Variants in ZNF804B observed in about 807,000 individuals in gnomAD.
ZNF804B encodes the protein zinc finger protein 804B.
In ZNF804B, 80 loss-of-function variants were observed where a neutral mutation model predicts 101.4. The observed-to-expected ratio is 0.79, with a 90% CI of 0.66 to 0.95. The LOEUF is 0.95. Ranked by LOEUF, ZNF804B falls within the 40% of genes least tolerant of loss-of-function variation. The pLI is 0.00. For missense variants in ZNF804B, 1,673 were observed against 1,561.9 expected (o/e 1.07, Z -1.20); for synonymous variants, 622 against 558.8 (o/e 1.11, Z -1.59).
At chr7:89,057,422 C>T (rs1183384654) in intron 1 of ZNF804B, among the ~76,000 whole-genome samples, 1 of 152,066 alleles carries the variant, frequency 6.6e-6, no homozygotes, top group African/African-American at 2.4e-5. Context: ...AAACAGTTTG[C>T]TCAGACCATC....
intron 1 of ZNF804B, among the ~76,000 whole-genome samples, chr7:89,111,974 C>T (rs1374371569): frequency 6.6e-6 from 1 of 151,818 alleles, no homozygotes; most frequent in Admixed American, 6.6e-5. Flanking sequence ...AGTGGTGGGG[C>T]GTGCCTGTAG....
intron 1 of ZNF804B, among the ~76,000 whole-genome samples, chr7:89,121,887 C>G (rs1790411991): frequency 6.6e-6 from 1 of 152,006 alleles, no homozygotes; most frequent in Non-Finnish European, 1.5e-5. Context: ...TTTTGTGTAG[C>G]TGGGTCTGTG....
chr7:89,252,668 G>A (rs1398253591), intron 2 of ZNF804B, among the ~76,000 whole-genome samples: 1 of 152,212 alleles, frequency 6.6e-6, no homozygotes, highest in Non-Finnish European at 1.5e-5. Flanking sequence ...TAAAGACAAT[G>A]TAGTACATAT....
At chr7:88,939,608 T>C (rs1793027269) in intron 1 of ZNF804B, among the ~76,000 whole-genome samples, 1 of 151,658 alleles carries the variant, frequency 6.6e-6, no homozygotes, top group African/African-American at 2.4e-5. Context: ...AAACAAATTC[T>C]CCCATTAAAA....
intron 2 of ZNF804B, among the ~76,000 whole-genome samples, chr7:89,270,369 T>C (rs1007560969): frequency 6.6e-6 from 1 of 152,206 alleles, no homozygotes; most frequent in Non-Finnish European, 1.5e-5. Context: ...AAAGAGCAGA[T>C]GGTTGTAGAT....
At chr7:88,968,697 A>G (rs964449129) in intron 1 of ZNF804B, among the ~76,000 whole-genome samples, 3 of 151,710 alleles carry the variant, frequency 2.0e-5, no homozygotes, top group Admixed American at 6.6e-5. Context: ...GACTTTTCAG[A>G]TAGGAAATGT....
chr7:89,094,701 C>G (rs1252801609), intron 1 of ZNF804B, among the ~76,000 whole-genome samples: 1 of 150,860 alleles, frequency 6.6e-6, no homozygotes, highest in Non-Finnish European at 1.5e-5. Flanking sequence ...TAGACTTTTT[C>G]AAAACAAAAA....
At position 88,786,544 on chromosome 7, in the gene ZNF804B, A is replaced by C. The variant is rs768187991; in HGVS notation, c.108+26460A>C. Among the ~76,000 whole-genome samples, 13 of 152,090 alleles carry C rather than the reference A, an allele frequency of 8.5e-5. 1 individual carries two copies. Among genetic ancestry groups the C allele is most frequent in the Admixed American group, 8.5e-4 (13 of 15,238 alleles). ...TTCCTCTTTTAGCTTAATTTATTTT[A>C]ATTTATCAAACTGCTTTTATTCTGT... is the stretch of plus-strand genomic sequence containing the variant. On this transcript the variant is annotated intron_variant, in intron 1 of 3. Coordinates refer to ENST00000333190, the MANE Select transcript of ZNF804B (RefSeq NM_181646.5).
At chr7:88,793,349 T>G (rs1790409230) in intron 1 of ZNF804B, among the ~76,000 whole-genome samples, 2 of 152,092 alleles carry the variant, frequency 1.3e-5, no homozygotes, top group Admixed American at 1.3e-4. Context: ...CATTTAGAAG[T>G]AAGTGTTAAT....
At position 89,335,790 on chromosome 7, in the gene ZNF804B, A is replaced by G; in HGVS notation, c.2808A>G (p.Lys936=). 2 of 1,614,114 alleles carry G rather than the reference A, an allele frequency of 1.2e-6. No individual in the cohort carries two copies. The highest frequency in any genetic ancestry group is 1.7e-4 in the Middle Eastern group (1 of 6,060). ...KILLERVQAK[K]CQEQSSNVEI... is the part of the protein sequence containing the mutation. The stretch of plus-strand genomic sequence containing the variant: ...TTTTAGAAAGAGTACAAGCCAAGAA[A>G]TGTCAAGAACAATCAAGTAATGTTG... Residue 936 remains lysine (K), a synonymous_variant, in exon 4 of 4, where the codon AAA becomes AAG. Transcript: ENST00000333190.
chr7:89,230,005 T>C (rs2115735923), intron 2 of ZNF804B, among the ~76,000 whole-genome samples: 1 of 152,184 alleles, frequency 6.6e-6, no homozygotes, highest in East Asian at 1.9e-4. Context: ...TGAAAATATG[T>C]CTTAGTAAAA....
At chr7:88,982,933 T>C (rs1447631367) in intron 1 of ZNF804B, among the ~76,000 whole-genome samples, 2 of 152,026 alleles carry the variant, frequency 1.3e-5, no homozygotes, top group Non-Finnish European at 2.9e-5. Context: ...ATGCTTCCAG[T>C]GATACCCATA....
chr7:88,924,271 T>TA (rs1370495128), intron 1 of ZNF804B, among the ~76,000 whole-genome samples: 11 of 152,146 alleles, frequency 7.2e-5, no homozygotes, highest in East Asian at 1.9e-4. Flanking sequence ...TCTGATTGGT[T>TA]AAAAAATCTA....
At chr7:89,315,743 C>CG (rs1173961088) in intron 2 of ZNF804B, among the ~76,000 whole-genome samples, 2 of 144,920 alleles carry the variant, frequency 1.4e-5, no homozygotes, top group Admixed American at 6.7e-5. Context: ...CACACACAAA[C>CG]ACACACACAC....
Position 88,836,495 on chromosome 7 carries a change from A to G in ZNF804B, c.108+76411A>G, listed in dbSNP as rs150544516. Among the ~76,000 whole-genome samples the G allele has an allele frequency of 4.0e-3, 603 of 152,054 alleles. 3 individuals are homozygous for G. Among genetic ancestry groups the G allele is most frequent in the African/African-American group, 0.014 (578 of 41,524 alleles). On this transcript the variant is annotated intron_variant, in intron 1 of 3. Coordinates refer to ENST00000333190, the MANE Select transcript of ZNF804B (RefSeq NM_181646.5). ...GAACAACAATAACATTTACATTCAG[A>G]TAGAGTTCTATTTTTAAATTAAGTA... is the stretch of plus-strand genomic sequence containing the variant.
chr7:89,240,423 C>CT (rs1004982881), intron 2 of ZNF804B, among the ~76,000 whole-genome samples: 6 of 151,528 alleles, frequency 4.0e-5, no homozygotes, highest in South Asian at 2.1e-4. Context: ...CTCTCTTTCT[C>CT]TTTTTTTTCT....
At chr7:88,964,105 T>C (rs1300245549) in intron 1 of ZNF804B, among the ~76,000 whole-genome samples, 1 of 151,450 alleles carries the variant, frequency 6.6e-6, no homozygotes, top group Non-Finnish European at 1.5e-5. Context: ...GTGCAGCTGC[T>C]GTGGATAAAA....
chr7:88,921,863 A>G (rs1792725066), intron 1 of ZNF804B, among the ~76,000 whole-genome samples: 1 of 152,100 alleles, frequency 6.6e-6, no homozygotes, highest in Non-Finnish European at 1.5e-5. Flanking sequence ...TAATTGTATC[A>G]ACATTTAAAA....
intron 1 of ZNF804B, among the ~76,000 whole-genome samples, chr7:88,796,248 A>C (rs1222590193): frequency 2.6e-5 from 4 of 152,246 alleles, no homozygotes; most frequent in Middle Eastern, 6.8e-3. Flanking sequence ...AATGAAACCT[A>C]AGAATAATTT....
Sources: allele counts gnomAD v4.1 joint callset (sites outside exome capture counted in the v4.1 genomes callset), GRCh38; gene constraint gnomAD v4.1.1; transcripts MANE v1.5; gene names NCBI Gene and HGNC (gene_info 2026-07-23, HGNC 2026-07-21).